TRIOBP: variants seen among roughly 807,000 people sequenced by gnomAD.
The protein encoded by TRIOBP is TRIO and F-actin-binding protein.
TRIOBP carries 169 observed loss-of-function variants against 238.8 expected under a neutral mutation model. The ratio of observed to expected loss-of-function variants is 0.71; its 90% CI spans 0.62 to 0.80. The LOEUF is 0.80. Among genes scored for constraint, TRIOBP ranks in the 30% least tolerant of loss-of-function variants. The pLI is 0.00. For missense variants in TRIOBP, 2,838 were observed against 3,122.6 expected (o/e 0.91, Z 2.17); for synonymous variants, 1,150 against 1,274.4 (o/e 0.90, Z 2.08).
chr22:37,715,905 G>A lies in TRIOBP; in HGVS notation c.599G>A (p.Gly200Glu), dbSNP rs1242674689. Reference sequence around the variant, plus strand: ...TCTCTCCTCACCAGGTCCCCTGTGGGAGGAGATGCTGCAGGCCAGAAAAAG... The same window carrying A: ...TCTCTCCTCACCAGGTCCCCTGTGGAAGGAGATGCTGCAGGCCAGAAAAAG... ...APSLLTRSPV[G>E]GDAAGQKKED... The change falls in exon 6 of 24, where the codon GGA becomes GAA. Residue 200 changes from glycine to glutamate, a missense_variant. Around this residue, in one of 5 missense-constraint regions of TRIOBP, gnomAD observed 535 missense variants for 537.3 expected, o/e 1.00. Transcript: ENST00000644935. The A allele has an allele frequency of 1.2e-6, 2 of 1,613,320 alleles. No homozygotes were observed. Among genetic ancestry groups the A allele is most frequent in the East Asian group, 4.5e-5 (2 of 44,874 alleles).
At chr22:37,721,259 C>T (rs571216351) in intron 6 of TRIOBP, among the ~76,000 whole-genome samples, 4 of 152,234 alleles carry the variant, frequency 2.6e-5, no homozygotes, top group East Asian at 1.9e-4. Flanking sequence ...ATGATCCACC[C>T]GCCTTGGCCT....
chr22:37,713,582 T>A (rs375802497), intron 5 of TRIOBP, among the ~76,000 whole-genome samples, 171 bp downstream of exon 5: 2 of 151,558 alleles, frequency 1.3e-5, no homozygotes, highest in South Asian at 4.2e-4. Context: ...CCCTGGAGAG[T>A]GGGGATTTCT....
At chr22:37,711,533 C>T (rs1234703446) in intron 4 of TRIOBP, among the ~76,000 whole-genome samples, 1 of 142,416 alleles carries the variant, frequency 7.0e-6, no homozygotes, top group African/African-American at 2.6e-5. Flanking sequence ...GAGTTGAGAT[C>T]GTGCCATTAC....
chr22:37,699,613 C>T (rs544193537), intron 2 of TRIOBP, among the ~76,000 whole-genome samples: 4 of 152,186 alleles, frequency 2.6e-5, no homozygotes, highest in African/African-American at 7.2e-5. Context: ...GCAATCTTGG[C>T]TCACTGCAAC....
chr22:37,725,784 C>G lies in TRIOBP; in HGVS notation c.3228C>G (p.Pro1076=). 6.2e-7 allele frequency: 1 copy of G among 1,606,956 alleles called. No individual in the cohort carries two copies. Among genetic ancestry groups the G allele is most frequent in the Non-Finnish European group, 8.5e-7 (1 of 1,175,848 alleles). ...GAGATGCCCCCCGGGCGTCCTCGCC[C>G]CCCCGCCACACCCAATTTGACCCCT... ...GHRDAPRASS[P]PRHTQFDPFP... is the part of the protein sequence containing the mutation. Residue 1076 remains proline, a synonymous_variant, in exon 7 of 24, where the codon CCC becomes CCG. Transcript: ENST00000644935.
rs1353660834 is a variant in TRIOBP, at chr22:37,726,459, C to A, written c.3903C>A (p.Ser1301Arg). ...GCAGCAGCGGGGGCCGCACCCACAG[C>A]CCTGGCCGTGCAGAGGTGGAGCGCC... ...AQCSSGGRTH[S>R]PGRAEVERLF... Residue 1301 changes from serine (S) to arginine (R), a missense_variant, in exon 7 of 24, where the codon AGC becomes AGA. Around this residue, in one of 5 missense-constraint regions of TRIOBP, gnomAD observed 2,096 missense variants for 2,137.4 expected, o/e 0.98. Coordinates refer to ENST00000644935, the MANE Select transcript of TRIOBP (RefSeq NM_001039141.3). 1.3e-6 allele frequency: 2 copies of A among 1,557,220 alleles called. No individual in the cohort carries two copies. The highest frequency in any genetic ancestry group is 4.6e-5 in the East Asian group (2 of 43,014).
chr22:37,720,660 C>T (rs1424776257), intron 6 of TRIOBP, among the ~76,000 whole-genome samples: 2 of 151,806 alleles, frequency 1.3e-5, no homozygotes, highest in Non-Finnish European at 2.9e-5. Flanking sequence ...ATGAGAGAAA[C>T]AGGTGAATAT....
At chr22:37,730,586 G>A (rs953911122) in intron 7 of TRIOBP, among the ~76,000 whole-genome samples, 7 of 152,150 alleles carry the variant, frequency 4.6e-5, no homozygotes, top group African/African-American at 1.7e-4. Flanking sequence ...CCCAGTTCGG[G>A]GGAAAATTCA....
chr22:37,751,871 G>T (rs750592729), intron 12 of TRIOBP, 43 bp downstream of exon 12: 24 of 1,611,508 alleles, frequency 1.5e-5, no homozygotes, highest in Non-Finnish European at 1.7e-5. Context: ...GGCTTGTGCT[G>T]CTGCTGGGCC....
At chr22:37,731,833 G>A (rs1052299810) in intron 7 of TRIOBP, among the ~76,000 whole-genome samples, 4 of 151,888 alleles carry the variant, frequency 2.6e-5, no homozygotes, top group South Asian at 2.1e-4. Context: ...CAAGCCATCC[G>A]CCTGCCTCAG....
chr22:37,705,584 G>GTT (rs559062834), intron 3 of TRIOBP, among the ~76,000 whole-genome samples: 14 of 149,910 alleles, frequency 9.3e-5, no homozygotes, highest in African/African-American at 3.4e-4. Context: ...TTTTGTTTTT[G>GTT]TTTTTTTTTG....
At position 37,697,625 on chromosome 22, in the gene TRIOBP, G is replaced by C. The variant is rs1394247086; in HGVS notation, c.-132G>C. The C allele has an allele frequency of 6.6e-6, 1 of 152,338 alleles. No individual in the cohort carries two copies. The highest frequency in any genetic ancestry group is 2.4e-5 in the African/African-American group (1 of 41,442). The allele number at this position is 152,338 out of a possible 1,614,324, so 9.4% of individuals were successfully genotyped here. The stretch of plus-strand genomic sequence containing the variant: ...AGGAGCCTTGGCCCTGGCTGTCCCA[G>C]GGGAGGAGGTGAAATTCCTCAGCTC... On this transcript the variant is annotated 5_prime_UTR_variant, in exon 2 of 24. Transcript: ENST00000644935.
At chr22:37,727,073 A>T (rs907147178) in intron 7 of TRIOBP, among the ~76,000 whole-genome samples, 49 of 151,048 alleles carry the variant, frequency 3.2e-4, no homozygotes, top group Non-Finnish European at 5.6e-4. Flanking sequence ...CACCCGGCTA[A>T]TTTTTTTGTA....
Position 37,755,196 on chromosome 22 carries a change from G to T in TRIOBP, c.5577+6G>T, listed in dbSNP as rs774446566. ...ACTATGGCTTCCAGATCCACGTGAG[G>T]CTGTGTGCAGCTTGGGGGCTGGTGG... On this transcript the variant is annotated splice_donor_region_variant and intron_variant, in intron 14 of 23. Transcript: ENST00000644935. 10 of 1,608,936 alleles carry T rather than the reference G, an allele frequency of 6.2e-6. No individual in the cohort carries two copies. Among genetic ancestry groups the T allele is most frequent in the African/African-American group, 1.3e-5 (1 of 74,750 alleles).
intron 11 of TRIOBP, among the ~76,000 whole-genome samples, chr22:37,747,304 G>A (rs1221746377): frequency 2.0e-5 from 3 of 152,210 alleles, no homozygotes; most frequent in African/African-American, 7.2e-5. Flanking sequence ...TTCGGGAAGG[G>A]AGGGGTGGGG....
At position 37,765,800 on chromosome 22, in the gene TRIOBP, C is replaced by T. The variant is rs534215753; in HGVS notation, c.6455C>T (p.Thr2152Met). The T allele has an allele frequency of 2.8e-3, 4,457 of 1,581,080 alleles. 152 individuals carry two copies. In the South Asian group the frequency reaches 0.048, roughly 17 times the overall value. Residue 2152 changes from threonine to methionine, a missense_variant, in exon 18 of 24, where the codon ACG becomes ATG. Physicochemically the swap from Thr to Met is moderately conservative, Grantham distance 81. Around this residue, in one of 5 missense-constraint regions of TRIOBP, gnomAD observed 2,096 missense variants for 2,137.4 expected, o/e 0.98. Coordinates refer to ENST00000644935, the MANE Select transcript of TRIOBP (RefSeq NM_001039141.3). ...AAGGAGTGGCTCCTGGCTGAGGAGA[C>T]GGCAGCCACGGCCTCAGGTATGGAC... ...QEKEWLLAEE[T>M]AATASAIEAM...
chr22:37,745,652 T>A (rs1454895800), intron 11 of TRIOBP, among the ~76,000 whole-genome samples: 1 of 152,178 alleles, frequency 6.6e-6, no homozygotes, highest in Non-Finnish European at 1.5e-5. Context: ...GAATTCCGCC[T>A]CTTCCTGTGT....
At chr22:37,755,438 C>T in intron 14 of TRIOBP, 112 bp from the exon 15 acceptor site, 1 of 1,064,044 alleles carries the variant, frequency 9.4e-7, no homozygotes, top group Non-Finnish European at 1.4e-6. Context: ...ACCCCAGACT[C>T]AAGACCTTAG....
intron 11 of TRIOBP, 50 bp downstream of exon 11, chr22:37,741,082 G>A (rs1019619425): frequency 1.2e-5 from 18 of 1,545,218 alleles, no homozygotes; most frequent in Non-Finnish European, 1.5e-5. Context: ...ATAGAGACGG[G>A]GATGGGAGGG....
Sources: allele counts gnomAD v4.1 joint callset (sites outside exome capture counted in the v4.1 genomes callset), GRCh38; gene constraint gnomAD v4.1.1; regional missense constraint gnomAD v4.1.1; transcripts MANE v1.5; gene names NCBI Gene and HGNC (gene_info 2026-07-23, HGNC 2026-07-21).